The following MTMR14 variants were observed in gnomAD, a reference collection of about 807,000 sequenced individuals.
The protein encoded by MTMR14 is myotubularin related protein 14.
A neutral mutation model predicts 86.3 loss-of-function variants in MTMR14; 48 were observed. The ratio of observed to expected loss-of-function variants is 0.56; its 90% CI spans 0.44 to 0.71. MTMR14 has a LOEUF of 0.71. MTMR14 is among the 30% of genes least tolerant of loss of function. The probability of loss-of-function intolerance (pLI) is 0.00; values close to 1 mark genes in which losing one functional copy is unlikely to be tolerated. For missense variants in MTMR14, 780 were observed against 834.6 expected (o/e 0.93, Z 0.81); for synonymous variants, 366 against 326.1 (o/e 1.12, Z -1.32).
intron 5 of MTMR14, 73 bp downstream of exon 5, chr3:9,669,565 T>C (rs1475199041): frequency 1.9e-5 from 28 of 1,498,052 alleles, no homozygotes; most frequent in Non-Finnish European, 2.4e-5. Context: ...GCCATGTTCA[T>C]ATTGTCCGTG....
chr3:9,665,797 C>T (rs960463610), intron 3 of MTMR14, among the ~76,000 whole-genome samples: 12 of 147,764 alleles, frequency 8.1e-5, no homozygotes, highest in African/African-American at 3.0e-4. Context: ...GGCGCGATCT[C>T]AGCTCACTGC....
chr3:9,680,115 C>T (rs1223923020), intron 9 of MTMR14, among the ~76,000 whole-genome samples: 1 of 152,198 alleles, frequency 6.6e-6, no homozygotes, highest in East Asian at 1.9e-4. Context: ...CACACATGTC[C>T]CTTCAGGCGG....
chr3:9,693,227 A>C (rs906518668), intron 17 of MTMR14, among the ~76,000 whole-genome samples: 3 of 152,256 alleles, frequency 2.0e-5, no homozygotes, highest in Non-Finnish European at 2.9e-5. Flanking sequence ...ATTCAAGATA[A>C]CATAAACAAT....
intron 17 of MTMR14, among the ~76,000 whole-genome samples, chr3:9,696,202 AAAAATC>A (rs1410631488): frequency 2.6e-5 from 4 of 152,230 alleles, no homozygotes; most frequent in African/African-American, 4.8e-5. Flanking sequence ...TCTTGGTTTT[AAAAATC>A]TCTTCTCAGC....
rs200233563 is a variant in MTMR14 at position 9,669,282 on chromosome 3, A to G, written c.494-150A>G. ...GTTCACCTTAGAGGTGAAGACTACC[A>G]GGCATATGGGGGCATACTGTGTCCT... On this transcript the variant is annotated intron_variant, in intron 4 of 18. Transcript: ENST00000296003. The G allele has an allele frequency of 9.1e-5, 61 of 668,114 alleles. No individual in the cohort carries two copies. The East Asian group carries it at 1.7e-3, about 19-fold the overall frequency. The allele number at this position is 668,114 out of a possible 1,614,324, so 41.4% of individuals were successfully genotyped here.
At chr3:9,667,036 T>C (rs1437912675) in intron 3 of MTMR14, among the ~76,000 whole-genome samples, 1 of 152,182 alleles carries the variant, frequency 6.6e-6, no homozygotes, top group Non-Finnish European at 1.5e-5. Flanking sequence ...TCTGGCTGCC[T>C]CAATTACTAA....
rs374928110 is a variant in MTMR14 at position 9,685,394 on chromosome 3, G to A, written c.1164+147G>A. The A allele has an allele frequency of 1.8e-4, 183 of 990,256 alleles. 3 individuals carry two copies. The highest frequency in any genetic ancestry group is 1.0e-3 in the East Asian group (41 of 40,144). The allele number at this position is 990,256 out of a possible 1,614,324, so 61.3% of individuals were successfully genotyped here. A position where few individuals can be genotyped will look rare whatever the true frequency, so the allele number is the denominator to read the frequency against. On this transcript the variant is annotated intron_variant, in intron 13 of 18. Coordinates refer to ENST00000296003, the MANE Select transcript of MTMR14 (RefSeq NM_001077525.3). Reference sequence around the variant, plus strand: ...CCCTGTCATCTCCTCCTGAGGCAGCGTGGCAGGACAGGCACCAGCACAGTA... The same window carrying A: ...CCCTGTCATCTCCTCCTGAGGCAGCATGGCAGGACAGGCACCAGCACAGTA...
intron 5 of MTMR14, among the ~76,000 whole-genome samples, chr3:9,670,275 C>T (rs963611244): frequency 3.9e-5 from 6 of 152,202 alleles, no homozygotes; most frequent in African/African-American, 1.4e-4. Flanking sequence ...CTGAAAGCAG[C>T]GGCTCTGGCT....
chr3:9,692,117 A>T (rs1312129238), intron 17 of MTMR14, among the ~76,000 whole-genome samples: 2 of 152,238 alleles, frequency 1.3e-5, no homozygotes, highest in Non-Finnish European at 2.9e-5. Context: ...CTTAGGTAAC[A>T]ATAGCCTGTG....
chr3:9,661,418 G>C (rs936729680), intron 2 of MTMR14, among the ~76,000 whole-genome samples: 1 of 152,162 alleles, frequency 6.6e-6, no homozygotes, highest in Non-Finnish European at 1.5e-5. Flanking sequence ...CTGATGATCT[G>C]ACAGGAGGTG....
intron 3 of MTMR14, among the ~76,000 whole-genome samples, chr3:9,666,057 A>G (rs2048237239): frequency 6.6e-6 from 1 of 151,290 alleles, no homozygotes; most frequent in Non-Finnish European, 1.5e-5. Flanking sequence ...GGCTTGAAGC[A>G]ATGTAAAAGT....
At chr3:9,688,820 A>C in intron 15 of MTMR14, 66 bp downstream of exon 15, 1 of 1,611,344 alleles carries the variant, frequency 6.2e-7, no homozygotes, top group Non-Finnish European at 8.5e-7. Context: ...ATCAGGCAGG[A>C]ACTGTTTGTG....
chr3:9,697,917 C>G, intron 18 of MTMR14, 51 bp downstream of exon 18: 1 of 1,611,240 alleles, frequency 6.2e-7, no homozygotes, highest in Non-Finnish European at 8.5e-7. Context: ...ATGGGAAAAG[C>G]TGGTGAGCAG....
rs575052833 is a variant in MTMR14 at position 9,694,284 on chromosome 3, T to C, written c.1614-3427T>C. On this transcript the variant is annotated intron_variant, in intron 17 of 18. Transcript: ENST00000296003. Reference sequence around the variant, plus strand: ...AAAATCACTTCCTTTCTGAGCTCAGTTATTTTATCCTGTTTTTAAAGGGGG... The same window carrying C: ...AAAATCACTTCCTTTCTGAGCTCAGCTATTTTATCCTGTTTTTAAAGGGGG... Among the ~76,000 whole-genome samples the C allele has an allele frequency of 2.0e-5, 3 of 152,224 alleles. No individual in the cohort carries two copies. The South Asian group carries it at 6.2e-4, about 32-fold the overall frequency.
At chr3:9,666,924 G>T (rs979837348) in intron 3 of MTMR14, among the ~76,000 whole-genome samples, 2 of 152,196 alleles carry the variant, frequency 1.3e-5, no homozygotes, top group South Asian at 2.1e-4. Context: ...TATCAAGAGG[G>T]GTCAGCCCTC....
rs1302318836 is a variant in MTMR14 at position 9,674,972 on chromosome 3, G to A, written c.751+2214G>A. On this transcript the variant is annotated intron_variant, in intron 7 of 18. Transcript: ENST00000296003. Reference sequence around the variant, plus strand: ...ACTAAAAATACAAAATTAGCCGGGCGCGGTGGCGCATGCCTGTAATCCCAG... The same window carrying A: ...ACTAAAAATACAAAATTAGCCGGGCACGGTGGCGCATGCCTGTAATCCCAG... Among the ~76,000 whole-genome samples the A allele has an allele frequency of 3.3e-5, 5 of 152,222 alleles. No individual in the cohort carries two copies. In the East Asian group the frequency reaches 5.8e-4, roughly 18 times the overall value.
intron 2 of MTMR14, 60 bp downstream of exon 2, chr3:9,653,829 G>A: frequency 6.2e-7 from 1 of 1,609,596 alleles, no homozygotes; most frequent in Non-Finnish European, 8.5e-7. Context: ...TAATCCCTGT[G>A]GCCAGGAAGT....
intron 18 of MTMR14, 147 bp downstream of exon 18, chr3:9,698,013 G>A: frequency 8.7e-7 from 1 of 1,147,458 alleles, no homozygotes; most frequent in Non-Finnish European, 1.3e-6. Flanking sequence ...TGGACCCGAG[G>A]TATGAAGGAG....
At position 9,677,162 on chromosome 3, in the gene MTMR14, G is replaced by A. The variant is rs1351020988; in HGVS notation, c.752-155G>A. Among the ~76,000 whole-genome samples the A allele has an allele frequency of 2.6e-5, 4 of 152,216 alleles. No individual in the cohort carries two copies. The highest frequency in any genetic ancestry group is 7.2e-5 in the African/African-American group (3 of 41,464). On this transcript the variant is annotated intron_variant, in intron 7 of 18. Coordinates refer to ENST00000296003, the MANE Select transcript of MTMR14 (RefSeq NM_001077525.3). The surrounding 1 kb of genome is among the most constrained non-coding windows in gnomAD (Gnocchi z 4.2). Reference sequence around the variant, plus strand: ...GCTCGCCCCTGGCTTTTGCCCACCCGTGTCAGCCTTGGCCTCACTGAAGCC... The same window carrying A: ...GCTCGCCCCTGGCTTTTGCCCACCCATGTCAGCCTTGGCCTCACTGAAGCC...
Sources: allele counts gnomAD v4.1 joint callset (sites outside exome capture counted in the v4.1 genomes callset), GRCh38; gene constraint gnomAD v4.1.1; non-coding constraint Gnocchi (gnomAD v3.1); transcripts MANE v1.5; gene names NCBI Gene and HGNC (gene_info 2026-07-23, HGNC 2026-07-21).